Variants in DCP2 observed in about 807,000 individuals in gnomAD.
DCP2 encodes decapping mRNA 2.
A neutral mutation model predicts 56.1 loss-of-function variants in DCP2; 30 were observed. The observed-to-expected ratio is 0.53, with a 90% CI of 0.40 to 0.73. The LOEUF (loss-of-function observed/expected upper bound fraction) is 0.73. Ranked by LOEUF, DCP2 falls within the 30% of genes least tolerant of loss-of-function variation. The pLI is 0.00. For missense variants in DCP2, 533 were observed against 502.7 expected, an observed-to-expected ratio of 1.06 and a Z score of -0.58; for synonymous variants, 197 against 163.3, an observed-to-expected ratio of 1.21 and a Z score of -1.57.
chr5:113,021,409 C>G lies in DCP2; in HGVS notation c.*7925C>G, dbSNP rs75363143. Among the ~76,000 whole-genome samples, 1 of 149,370 alleles carries G rather than the reference C, an allele frequency of 6.7e-6. No homozygotes were observed. Among genetic ancestry groups the G allele is most frequent in the African/African-American group, 2.5e-5 (1 of 40,382 alleles). On this transcript the variant is annotated 3_prime_UTR_variant, in exon 11 of 11. Coordinates refer to ENST00000389063, the MANE Select transcript of DCP2 (RefSeq NM_152624.6). ...ACCAAAAAAAAAAAAAAAAAACCCC[C>G]AGGAAGAAATATTGTCGAGAGTCTC...
chr5:113,009,453 G>A (rs1420152389), intron 9 of DCP2, among the ~76,000 whole-genome samples: 2 of 152,336 alleles, frequency 1.3e-5, no homozygotes, highest in East Asian at 3.9e-4. Flanking sequence ...TCTCCGATCA[G>A]ATTGGCAAAG....
intron 1 of DCP2, chr5:112,984,701 A>ATATATATATATATATATAT (rs1181496332): frequency 7.8e-4 from 62 of 79,502 alleles, no homozygotes; most frequent in African/African-American, 1.7e-3. Flanking sequence ...AAAAAAAAAA[A>ATATATATATATATATATAT]AAATATATAT....
rs747847949 is a variant in DCP2, at chr5:112,985,935, C to T, written c.154C>T (p.Gln52Ter). 1 of 1,603,946 alleles carries T rather than the reference C, an allele frequency of 6.2e-7. No homozygotes were observed. The highest frequency in any genetic ancestry group is 8.5e-7 in the Non-Finnish European group (1 of 1,172,180). Residue 52 changes from glutamine (Q) to a stop codon, truncating the protein, a stop_gained, in exon 2 of 11, where the codon CAG becomes TAG. Transcript: ENST00000389063. LOFTEE classifies it high-confidence loss of function. ...AHWFYLDFYMQNTPGLPQCGI... is the reference protein window; with the variant it reads ...AHWFYLDFYM Reference sequence around the variant, plus strand: ...TTGGTTTTACTTGGATTTCTACATGCAGAACACACCAGGATTACCTCAGTG... The same window carrying T: ...TTGGTTTTACTTGGATTTCTACATGTAGAACACACCAGGATTACCTCAGTG...
At chr5:112,990,966 A>G (rs975748887) in intron 2 of DCP2, among the ~76,000 whole-genome samples, 1 of 152,142 alleles carries the variant, frequency 6.6e-6, no homozygotes, top group African/African-American at 2.4e-5. Flanking sequence ...AGTTTGGTGT[A>G]CCTGTACTAA....
Position 113,020,259 on chromosome 5 carries a change from C to T in DCP2, c.*6775C>T, listed in dbSNP as rs1392081109. 3.9e-5 allele frequency: 6 copies of T among 152,112 alleles called. No individual in the cohort carries two copies. The highest frequency in any genetic ancestry group is 3.3e-4 in the Admixed American group (5 of 15,274). The allele number at this position is 152,112 out of a possible 1,614,324, so 9.4% of individuals were successfully genotyped here. Reference sequence around the variant, plus strand: ...CCAAGTAGATTTGTGAACTTTATTTCTTTAGTAATTATTTTTATCTTATGT... The same window carrying T: ...CCAAGTAGATTTGTGAACTTTATTTTTTTAGTAATTATTTTTATCTTATGT... On this transcript the variant is annotated 3_prime_UTR_variant, in exon 11 of 11. Coordinates refer to ENST00000389063, the MANE Select transcript of DCP2 (RefSeq NM_152624.6).
chr5:113,008,844 G>C (rs1225241323), intron 9 of DCP2, among the ~76,000 whole-genome samples: 1 of 144,856 alleles, frequency 6.9e-6, no homozygotes, highest in Non-Finnish European at 1.5e-5. Context: ...AAACTAGACA[G>C]ATAACTTTTT....
rs57159758 is a variant in DCP2 at position 112,984,703 on chromosome 5, A to AATATATATATATAT, written c.54-1123_54-1110dup. ...TTCTTAATTAAAAAAAAAAAAAAAA[A>AATATATATATATAT]ATATATATATATATATATATATTTG... is the stretch of plus-strand genomic sequence containing the variant. On this transcript the variant is annotated intron_variant, in intron 1 of 10. Coordinates refer to ENST00000389063, the MANE Select transcript of DCP2 (RefSeq NM_152624.6). 72 of 64,838 alleles carry AATATATATATATAT rather than the reference A, an allele frequency of 1.1e-3. 1 individual carries two copies. Among genetic ancestry groups the AATATATATATATAT allele is most frequent in the African/African-American group, 5.5e-3 (70 of 12,640 alleles). 4.0% of individuals were successfully genotyped at this position (64,838 alleles called of 1,614,324 possible). A position where few individuals can be genotyped will look rare whatever the true frequency, so the allele number is the denominator to read the frequency against.
intron 1 of DCP2, among the ~76,000 whole-genome samples, chr5:112,980,698 G>C (rs978837481): frequency 6.6e-6 from 1 of 152,078 alleles, no homozygotes. Context: ...ATGTAATCAT[G>C]TACATGGTTT....
At position 112,985,836 on chromosome 5, in the gene DCP2, C is replaced by T. The variant is rs1400871005; in HGVS notation, c.55C>T (p.Arg19Ter). ...PGSVLDDLCSRFILHIPSEER... is the reference protein window; with the variant it reads ...PGSVLDDLCS ...TTGTATGTGTTTTGTTTTTGACAGC[C>T]GATTTATTTTGCATATTCCCAGCGA... Residue 19 changes from arginine (R) to a stop codon, truncating the protein, a stop_gained and splice_region_variant, in exon 2 of 11, where the codon CGA (arginine) becomes TGA (stop). Transcript: ENST00000389063. LOFTEE classifies it high-confidence loss of function. 6.3e-7 allele frequency: 1 copy of T among 1,592,760 alleles called. No homozygotes were observed. The highest frequency in any genetic ancestry group is 8.6e-7 in the Non-Finnish European group (1 of 1,162,306).
At chr5:112,985,115 A>G (rs1748216130) in intron 1 of DCP2, among the ~76,000 whole-genome samples, 2 of 152,276 alleles carry the variant, frequency 1.3e-5, no homozygotes, top group South Asian at 2.1e-4. Context: ...AAAATAAGTG[A>G]TAGCTGCTTA....
chr5:113,002,558 G>A (rs533818073), intron 7 of DCP2, among the ~76,000 whole-genome samples: 2 of 152,028 alleles, frequency 1.3e-5, no homozygotes, highest in Non-Finnish European at 1.5e-5. Context: ...GTCTCTCTCT[G>A]TTGCCCAGGC....
intron 8 of DCP2, 112 bp downstream of exon 8, chr5:113,004,189 T>C: frequency 8.2e-7 from 1 of 1,225,314 alleles, no homozygotes. Context: ...GAGTTACTGA[T>C]CAAAGCCTGT....
intron 1 of DCP2, among the ~76,000 whole-genome samples, chr5:112,982,033 G>A (rs566854330): frequency 6.6e-6 from 1 of 152,308 alleles, no homozygotes; most frequent in East Asian, 1.9e-4. Context: ...CTCCCAAAGT[G>A]CTGGGATTAC....
At chr5:112,997,028 T>C (rs952620188) in intron 4 of DCP2, among the ~76,000 whole-genome samples, 1 of 152,244 alleles carries the variant, frequency 6.6e-6, no homozygotes, top group African/African-American at 2.4e-5. Context: ...GTTAGTTTTC[T>C]TCTAAAGGTT....
At chr5:113,009,921 CTTT>C (rs564861668) in intron 9 of DCP2, among the ~76,000 whole-genome samples, 4 of 136,102 alleles carry the variant, frequency 2.9e-5, no homozygotes, top group Non-Finnish European at 3.2e-5. Flanking sequence ...CTTTTTTTTC[CTTT>C]TTTTTTTTTT....
At chr5:112,990,020 T>C (rs1375276695) in intron 2 of DCP2, among the ~76,000 whole-genome samples, 1 of 152,054 alleles carries the variant, frequency 6.6e-6, no homozygotes, top group Non-Finnish European at 1.5e-5. Flanking sequence ...TCCTGAAAAA[T>C]AAGGTTACTA....
Position 113,021,237 on chromosome 5 carries a change from CGTGTCTGTAGTCCCAGCTACT to C in DCP2, c.*7754_*7774del, listed in dbSNP as rs1750109943. On this transcript the variant is annotated 3_prime_UTR_variant, in exon 11 of 11. Transcript: ENST00000389063. The stretch of plus-strand genomic sequence containing the variant: ...CAAAAATTAGCTGGGCGTGGTGGTG[CGTGTCTGTAGTCCCAGCTACT>C]TGGGAGGCTGAGGCAGGAGAATCTC... 6.6e-6 allele frequency among the ~76,000 whole-genome samples: 1 copy of C among 151,702 alleles called. No individual in the cohort carries two copies. Among genetic ancestry groups the C allele is most frequent in the South Asian group, 2.1e-4 (1 of 4,788 alleles).
chr5:112,989,602 A>C (rs1225967995), intron 2 of DCP2, among the ~76,000 whole-genome samples: 1 of 152,196 alleles, frequency 6.6e-6, no homozygotes, highest in Non-Finnish European at 1.5e-5. Flanking sequence ...CTTGTAGGCC[A>C]TATTTCTTTA....
Position 113,013,641 on chromosome 5 carries a change from C to T in DCP2, c.*157C>T, listed in dbSNP as rs1053957318. ...GTTTATAAGAGAGTAGAAAGAAACA[C>T]GAGTTTGCACTGTAAATGCAGTTAT... On this transcript the variant is annotated 3_prime_UTR_variant, in exon 11 of 11. Transcript: ENST00000389063. The T allele has an allele frequency of 2.6e-5, 21 of 812,408 alleles. No homozygotes were observed. Among genetic ancestry groups the T allele is most frequent in the African/African-American group, 6.9e-5 (4 of 57,878 alleles). 50.3% of individuals were successfully genotyped at this position (812,408 alleles called of 1,614,324 possible). A position where few individuals can be genotyped will look rare whatever the true frequency, so the allele number is the denominator to read the frequency against.
Sources: allele counts gnomAD v4.1 joint callset (sites outside exome capture counted in the v4.1 genomes callset), GRCh38; gene constraint gnomAD v4.1.1; transcripts MANE v1.5; gene names NCBI Gene and HGNC (gene_info 2026-07-23, HGNC 2026-07-21).